The following TTLL11 variants were observed in gnomAD, a reference collection of about 807,000 sequenced individuals.
TTLL11 encodes tubulin polyglutamylase TTLL11.
TTLL11 carries 42 observed loss-of-function variants against 51.7 expected under a neutral mutation model. That is an observed-to-expected ratio of 0.81 (90% CI 0.64 to 1.05). The LOEUF (loss-of-function observed/expected upper bound fraction) is 1.05, where lower values mean the gene tolerates loss of function less well. TTLL11 is among the 50% of genes least tolerant of loss of function. The probability of loss-of-function intolerance (pLI) is 0.00; values close to 1 mark genes in which losing one functional copy is unlikely to be tolerated. For missense variants in TTLL11, 799 were observed against 940.4 expected, an observed-to-expected ratio of 0.85 and a Z score of 1.97; for synonymous variants, 381 against 383.5, an observed-to-expected ratio of 0.99 and a Z score of 0.08.
intron 6 of TTLL11, among the ~76,000 whole-genome samples, chr9:121,916,860 A>T (rs1316088905): frequency 1.3e-5 from 2 of 152,210 alleles, no homozygotes; most frequent in Non-Finnish European, 2.9e-5. Context: ...CCCCAGGTAG[A>T]TGTCTCTTAC....
chr9:122,007,503 G>T (rs552115276), intron 3 of TTLL11, among the ~76,000 whole-genome samples: 3 of 140,470 alleles, frequency 2.1e-5, no homozygotes, highest in African/African-American at 7.8e-5. Flanking sequence ...AAAAAGAAAA[G>T]AAAAAAAAAA....
intron 8 of TTLL11, among the ~76,000 whole-genome samples, chr9:121,841,062 G>C (rs1837331294): frequency 6.6e-6 from 1 of 152,164 alleles, no homozygotes; most frequent in Non-Finnish European, 1.5e-5. Context: ...AGGGAGGGCA[G>C]GGAGAAGGGT....
rs1838927351 is a variant in TTLL11, at chr9:121,884,479, C to CGGGAGA, written c.1482-13737_1482-13732dup. On this transcript the variant is annotated intron_variant, in intron 6 of 8. Transcript: ENST00000321582. The stretch of plus-strand genomic sequence containing the variant: ...TACCCCGTCCTGCCAAACACACACG[C>CGGGAGA]GGGAGAGGGAGAGGGCAAGGGGGAT... 4.6e-5 allele frequency among the ~76,000 whole-genome samples: 7 copies of CGGGAGA among 152,142 alleles called. No homozygotes were observed. The South Asian group carries it at 1.2e-3, about 27-fold the overall frequency.
chr9:121,956,164 C>T (rs1026702016), intron 6 of TTLL11, among the ~76,000 whole-genome samples: 5 of 152,178 alleles, frequency 3.3e-5, no homozygotes, highest in African/African-American at 1.2e-4. Context: ...TTTCCCACCA[C>T]TTATTCTGCT....
At chr9:121,895,053 T>C (rs889820991) in intron 6 of TTLL11, among the ~76,000 whole-genome samples, 5 of 152,106 alleles carry the variant, frequency 3.3e-5, no homozygotes, top group African/African-American at 7.2e-5. Flanking sequence ...TTTAGCCACG[T>C]CCTATGCTCG....
chr9:121,896,117 T>A (rs1839513097), intron 6 of TTLL11, among the ~76,000 whole-genome samples: 1 of 152,030 alleles, frequency 6.6e-6, no homozygotes, highest in Admixed American at 6.6e-5. Flanking sequence ...TGTTTTTGAG[T>A]GTGTGTGCTC....
intron 1 of TTLL11, among the ~76,000 whole-genome samples, chr9:122,080,181 T>C (rs1352781901): frequency 6.6e-6 from 1 of 152,122 alleles, no homozygotes; most frequent in East Asian, 1.9e-4. Context: ...ACAGGGCCCA[T>C]AGGTTGGAGA....
In TTLL11 at chr9:121,844,278, C is replaced by T. The variant is rs191342747; in HGVS notation, c.1840+16059G>A. Among the ~76,000 whole-genome samples, 442 of 150,470 alleles carry T rather than the reference C, an allele frequency of 2.9e-3. 6 individuals carry two copies. Among genetic ancestry groups the T allele is most frequent in the African/African-American group, 0.01 (412 of 40,310 alleles). The stretch of plus-strand genomic sequence containing the variant: ...CATTTAAGGAGTTTTTAAGGAAATA[C>T]GAAGGCAATAGGGAGAGAAAAAAAA... On this transcript the variant is annotated intron_variant, in intron 8 of 8. Transcript: ENST00000321582.
At chr9:121,960,216 G>C (rs1055274860) in intron 6 of TTLL11, among the ~76,000 whole-genome samples, 12 of 152,128 alleles carry the variant, frequency 7.9e-5, no homozygotes, top group Non-Finnish European at 1.8e-4. Context: ...CTGTACTGTA[G>C]ATGTTCTTGT....
At chr9:122,022,200 A>G (rs1041885748) in intron 3 of TTLL11, among the ~76,000 whole-genome samples, 1 of 148,498 alleles carries the variant, frequency 6.7e-6, no homozygotes, top group Non-Finnish European at 1.5e-5. Flanking sequence ...AGAGGCATAG[A>G]AAAAAAATCT....
chr9:121,880,918 C>T (rs1210621850), intron 6 of TTLL11, among the ~76,000 whole-genome samples: 2 of 152,196 alleles, frequency 1.3e-5, no homozygotes, highest in African/African-American at 4.8e-5. Context: ...CCACAGCCCA[C>T]GTGTTAAACC....
intron 3 of TTLL11, among the ~76,000 whole-genome samples, chr9:122,029,740 A>C (rs1390758376): frequency 2.0e-5 from 3 of 152,204 alleles, no homozygotes; most frequent in Non-Finnish European, 4.4e-5. Context: ...CTAAGTGTAC[A>C]GTGTTTCTGA....
At chr9:121,893,494 G>C (rs755232986) in intron 6 of TTLL11, among the ~76,000 whole-genome samples, 3 of 152,146 alleles carry the variant, frequency 2.0e-5, no homozygotes, top group Non-Finnish European at 4.4e-5. Flanking sequence ...GAAACCTGAG[G>C]CTCAGAGAAG....
intron 8 of TTLL11, among the ~76,000 whole-genome samples, chr9:121,828,478 C>A (rs751811313): frequency 1.3e-5 from 2 of 152,194 alleles, no homozygotes; most frequent in East Asian, 3.9e-4. Context: ...GCTGGCCACA[C>A]GGAACTTCAT....
chr9:122,055,922 G>C (rs182948556), intron 1 of TTLL11, among the ~76,000 whole-genome samples: 1 of 152,224 alleles, frequency 6.6e-6, no homozygotes, highest in Non-Finnish European at 1.5e-5. Context: ...ACTGAGCAGC[G>C]AGAAGCCAGG....
chr9:122,059,204 T>C (rs1038162797), intron 1 of TTLL11, among the ~76,000 whole-genome samples: 1 of 152,224 alleles, frequency 6.6e-6, no homozygotes, highest in Admixed American at 6.5e-5. Context: ...TCCTAATTAA[T>C]TAATTCATCC....
chr9:121,927,603 A>G (rs1840784607), intron 6 of TTLL11, among the ~76,000 whole-genome samples: 1 of 150,434 alleles, frequency 6.6e-6, no homozygotes, highest in South Asian at 2.1e-4. Context: ...AAAATAGTAA[A>G]TATCACAAGA....
intron 1 of TTLL11, among the ~76,000 whole-genome samples, chr9:122,053,292 A>C (rs1318663110): frequency 6.6e-6 from 1 of 152,142 alleles, no homozygotes; most frequent in Non-Finnish European, 1.5e-5. Context: ...AGAAAAGCTT[A>C]ACCAAGGAGG....
intron 3 of TTLL11, among the ~76,000 whole-genome samples, chr9:122,028,095 G>A (rs901161037): frequency 3.3e-5 from 5 of 152,122 alleles, no homozygotes; most frequent in Non-Finnish European, 5.9e-5. Context: ...GTAAACCCTA[G>A]ATACTAGGGC....
Sources: allele counts gnomAD v4.1 joint callset (sites outside exome capture counted in the v4.1 genomes callset), GRCh38; gene constraint gnomAD v4.1.1; transcripts MANE v1.5; gene names NCBI Gene and HGNC (gene_info 2026-07-23, HGNC 2026-07-21).